SFMBT2: variants seen among roughly 807,000 people sequenced by gnomAD.
SFMBT2 encodes the protein Scm like with four mbt domains 2.
SFMBT2 carries 38 observed loss-of-function variants against 110.1 expected under a neutral mutation model. That is an observed-to-expected ratio of 0.35 (90% CI 0.27 to 0.45). The LOEUF (loss-of-function observed/expected upper bound fraction) is 0.45. Among genes scored for constraint, SFMBT2 ranks in the 20% least tolerant of loss-of-function variants. The probability of loss-of-function intolerance (pLI) is 1.00; values close to 1 mark genes in which losing one functional copy is unlikely to be tolerated. For missense variants in SFMBT2, 1,011 were observed against 1,094.9 expected (o/e 0.92, Z 1.08); for synonymous variants, 425 against 425.4 (o/e 1.00, Z 0.01).
At chr10:7,248,126 A>G (rs917225905) in intron 8 of SFMBT2, among the ~76,000 whole-genome samples, 22 of 151,852 alleles carry the variant, frequency 1.4e-4, no homozygotes, top group Non-Finnish European at 2.9e-4. Context: ...TCTTTAGTCA[A>G]CAAGGGCAGA....
At chr10:7,214,625 TA>T (rs1384217910) in intron 11 of SFMBT2, 1 of 985,374 alleles carries the variant, frequency 1.0e-6, no homozygotes, top group Non-Finnish European at 1.2e-6. Flanking sequence ...ACTACACACG[TA>T]GCGGACCTGC....
chr10:7,258,175 CA>C (rs60539480), intron 7 of SFMBT2, among the ~76,000 whole-genome samples: 10,379 of 152,130 alleles, frequency 0.068, 849 homozygotes, highest in African/African-American at 0.19. Flanking sequence ...TCAAGCAATC[CA>C]ACCGCCTCAG....
chr10:7,382,890 T>A (rs1367455840), intron 1 of SFMBT2, among the ~76,000 whole-genome samples: 1 of 152,202 alleles, frequency 6.6e-6, no homozygotes, highest in Non-Finnish European at 1.5e-5. Context: ...TCCCACAGAA[T>A]CCTACTCTCC....
At position 7,407,259 on chromosome 10, in the gene SFMBT2, C is replaced by A. The variant is rs566867863; in HGVS notation, c.-52+3602G>T. On this transcript the variant is annotated intron_variant, in intron 1 of 20. Coordinates refer to ENST00000397167, the MANE Select transcript of SFMBT2 (RefSeq NM_001387889.1). ...CAACTCCCTCCCCACCCCCAACAGC[C>A]TCCCCAGGAAACGAGGCCACATTTA... 1.9e-3 allele frequency among the ~76,000 whole-genome samples: 295 copies of A among 151,854 alleles called. 1 individual carries two copies. The highest frequency in any genetic ancestry group is 6.6e-3 in the African/African-American group (271 of 41,350).
intron 9 of SFMBT2, among the ~76,000 whole-genome samples, chr10:7,239,895 ACACCCCTG>A (rs200016945): frequency 0.019 from 2,865 of 152,066 alleles, 40 homozygotes; most frequent in Admixed American, 0.022. Context: ...TTTTAACCCG[ACACCCCTG>A]CACCCCTGCA....
intron 1 of SFMBT2, among the ~76,000 whole-genome samples, chr10:7,392,813 T>C (rs1845804962): frequency 6.6e-6 from 1 of 151,444 alleles, no homozygotes; most frequent in Admixed American, 6.6e-5. Flanking sequence ...AGTCTAACTT[T>C]TTTGGGATTT....
chr10:7,337,492 T>G (rs1316309268), intron 4 of SFMBT2, among the ~76,000 whole-genome samples: 1 of 152,088 alleles, frequency 6.6e-6, no homozygotes, highest in Non-Finnish European at 1.5e-5. Context: ...TAAAAGTGAG[T>G]TATCATGAGA....
intron 7 of SFMBT2, among the ~76,000 whole-genome samples, chr10:7,262,169 T>C (rs1406237044): frequency 6.8e-6 from 1 of 146,556 alleles, no homozygotes. Flanking sequence ...AAGTGTCTGT[T>C]CATGAAAGGC....
At chr10:7,251,885 C>T (rs1254747610) in intron 7 of SFMBT2, among the ~76,000 whole-genome samples, 1 of 152,120 alleles carries the variant, frequency 6.6e-6, no homozygotes, top group Non-Finnish European at 1.5e-5. Flanking sequence ...GGGTCTTCTC[C>T]CTGGCTGCCT....
intron 4 of SFMBT2, among the ~76,000 whole-genome samples, chr10:7,305,481 C>G (rs576223715): frequency 1.8e-4 from 28 of 152,290 alleles, no homozygotes; most frequent in Admixed American, 5.2e-4. Context: ...ACCTCCAGCC[C>G]CCTAGCAAGC....
At chr10:7,329,273 G>A (rs900366848) in intron 4 of SFMBT2, among the ~76,000 whole-genome samples, 6 of 152,204 alleles carry the variant, frequency 3.9e-5, no homozygotes, top group Admixed American at 6.5e-5. Flanking sequence ...GACGCCTGGC[G>A]TGTGTTTTTA....
At chr10:7,305,792 T>C (rs1842675967) in intron 4 of SFMBT2, among the ~76,000 whole-genome samples, 1 of 152,270 alleles carries the variant, frequency 6.6e-6, no homozygotes, top group African/African-American at 2.4e-5. Flanking sequence ...GAACTGGTTA[T>C]GTTCCAATTT....
intron 9 of SFMBT2, among the ~76,000 whole-genome samples, chr10:7,228,756 CTCTCTCT>C (rs1840016241): frequency 9.9e-6 from 1 of 101,184 alleles, no homozygotes; most frequent in Admixed American, 9.7e-5. Flanking sequence ...CTCTCTCTCT[CTCTCTCT>C]CTCTCTCTCT....
chr10:7,317,931 T>C (rs1441356063), intron 4 of SFMBT2, among the ~76,000 whole-genome samples: 2 of 152,198 alleles, frequency 1.3e-5, no homozygotes, highest in African/African-American at 4.8e-5. Flanking sequence ...CAGCAAGTCA[T>C]AGAACACCAC....
At chr10:7,334,897 G>C (rs1182972751) in intron 4 of SFMBT2, among the ~76,000 whole-genome samples, 1 of 152,178 alleles carries the variant, frequency 6.6e-6, no homozygotes, top group Non-Finnish European at 1.5e-5. Flanking sequence ...TGCCATCCAG[G>C]AGTTTACCAG....
intron 11 of SFMBT2, among the ~76,000 whole-genome samples, chr10:7,213,074 C>T (rs1839404620): frequency 6.6e-6 from 1 of 151,424 alleles, no homozygotes; most frequent in Non-Finnish European, 1.5e-5. Context: ...ACACTGGGGC[C>T]TGTCAAGGGG....
At chr10:7,197,240 C>T (rs1284232518) in intron 15 of SFMBT2, among the ~76,000 whole-genome samples, 2 of 152,106 alleles carry the variant, frequency 1.3e-5, no homozygotes, top group Admixed American at 1.3e-4. Context: ...CCTAGGCCCT[C>T]ACTCCACACA....
Position 7,383,323 on chromosome 10 carries a change from T to G in SFMBT2, c.-51-1374A>C, listed in dbSNP as rs140165830. On this transcript the variant is annotated intron_variant, in intron 1 of 20. Coordinates refer to ENST00000397167, the MANE Select transcript of SFMBT2 (RefSeq NM_001387889.1). ...GTTCATGGTCAGCCTGGGCAATGTA[T>G]TGAGACCCCCATCTCTAAATAAACA... Among the ~76,000 whole-genome samples, 241 of 152,090 alleles carry G rather than the reference T, an allele frequency of 1.6e-3. 2 individuals are homozygous for G. The East Asian group carries it at 0.042, about 27-fold the overall frequency.
At chr10:7,395,904 T>G (rs1845912534) in intron 1 of SFMBT2, among the ~76,000 whole-genome samples, 1 of 152,176 alleles carries the variant, frequency 6.6e-6, no homozygotes, top group Non-Finnish European at 1.5e-5. Flanking sequence ...GTCTAGTAAT[T>G]CGTAGATGTT....
Sources: gnomAD v4.1 joint callset for allele counts (sites outside exome capture counted in the v4.1 genomes callset) on GRCh38, gnomAD v4.1.1 for gene constraint, MANE v1.5 for transcripts, NCBI Gene and HGNC (gene_info 2026-07-23, HGNC 2026-07-21) for gene names.